The following SLC22A3 variants were observed in gnomAD, a reference collection of about 807,000 sequenced individuals.
SLC22A3 encodes the protein EMT organic cation transporter 3.
A neutral mutation model predicts 59.1 loss-of-function variants in SLC22A3; 51 were observed. That is an observed-to-expected ratio of 0.86 (90% CI 0.69 to 1.09). The LOEUF (loss-of-function observed/expected upper bound fraction) is 1.09, where lower values mean the gene tolerates loss of function less well. Among genes scored for constraint, SLC22A3 ranks in the 50% least tolerant of loss-of-function variants. The pLI is 0.00. For synonymous variants in SLC22A3, 325 were observed against 292.0 expected, an observed-to-expected ratio of 1.11 and a Z score of -1.15; for missense variants, 711 against 726.3, an observed-to-expected ratio of 0.98 and a Z score of 0.24.
chr6:160,386,140 T>G (rs1245492783), intron 1 of SLC22A3, among the ~76,000 whole-genome samples: 1 of 152,224 alleles, frequency 6.6e-6, no homozygotes, highest in Admixed American at 6.5e-5. Flanking sequence ...CTTCTGCCTG[T>G]GCACCTGTGC....
intron 10 of SLC22A3, among the ~76,000 whole-genome samples, chr6:160,450,621 T>C (rs1476952164): frequency 6.6e-6 from 1 of 152,182 alleles, no homozygotes; most frequent in Non-Finnish European, 1.5e-5. Context: ...TGGGAACTGA[T>C]AAATGTCCAT....
intron 9 of SLC22A3, among the ~76,000 whole-genome samples, chr6:160,446,147 C>T (rs1443486302): frequency 2.0e-5 from 3 of 152,176 alleles, no homozygotes; most frequent in South Asian, 4.1e-4. Flanking sequence ...GGCACGAGAC[C>T]AGGTCCAACC....
In SLC22A3 at chr6:160,364,995, A is replaced by T. The variant is rs1487404316; in HGVS notation, c.429+16147A>T. On this transcript the variant is annotated intron_variant, in intron 1 of 10. Coordinates refer to ENST00000275300, the MANE Select transcript of SLC22A3 (RefSeq NM_021977.4). ...TAATGATTTTTTTACTATGTAAAAA[A>T]ATACACTTACATAGTAAGTATATTT... Among the ~76,000 whole-genome samples the T allele has an allele frequency of 2.0e-5, 3 of 152,182 alleles. No individual in the cohort carries two copies. The East Asian group carries it at 5.8e-4, about 29-fold the overall frequency.
chr6:160,403,206 AAG>A (rs1313507433), intron 2 of SLC22A3, among the ~76,000 whole-genome samples: 6 of 151,666 alleles, frequency 4.0e-5, no homozygotes, highest in African/African-American at 1.2e-4. Context: ...TTAGAAATAA[AAG>A]AGGGGACATT....
rs997820532 is a variant in SLC22A3, at chr6:160,408,841, A to T, written c.777A>T (p.Gly259=). The T allele has an allele frequency of 4.3e-6, 7 of 1,613,564 alleles. No homozygotes were observed. The African/African-American group carries it at 8.0e-5, about 18-fold the overall frequency. ...FFTLGIIILP[G]IAYFIPNWQG... ...CCCTTGGAATCATAATTCTCCCTGG[A>T]ATTGCCTACTTCATCCCCAACTGGC... is the stretch of plus-strand genomic sequence containing the variant. The change falls in exon 4 of 11, where the codon GGA becomes GGT. Residue 259 remains glycine (G), a synonymous_variant. Transcript: ENST00000275300.
chr6:160,360,927 A>G (rs1439421686), intron 1 of SLC22A3, among the ~76,000 whole-genome samples: 1 of 152,222 alleles, frequency 6.6e-6, no homozygotes, highest in Non-Finnish European at 1.5e-5. Context: ...GGAAGAATAA[A>G]GGCCCAGAAG....
intron 1 of SLC22A3, among the ~76,000 whole-genome samples, chr6:160,390,273 G>C (rs550080321): frequency 6.6e-6 from 1 of 152,080 alleles, no homozygotes; most frequent in Non-Finnish European, 1.5e-5. Flanking sequence ...GAAGGAAGAG[G>C]GGGGAAAGCA....
chr6:160,406,656 T>G (rs1165382154), intron 2 of SLC22A3, among the ~76,000 whole-genome samples: 3 of 152,204 alleles, frequency 2.0e-5, no homozygotes, highest in African/African-American at 7.2e-5. Flanking sequence ...TGGTAGATGG[T>G]TGAGGTGAGA....
chr6:160,363,468 G>A (rs2665354), intron 1 of SLC22A3, among the ~76,000 whole-genome samples: 124,295 of 152,114 alleles, frequency 0.82, 51,046 homozygotes, highest in East Asian at 0.92. Context: ...TCCTGGGTGA[G>A]GCCTCAGGCT....
intron 5 of SLC22A3, among the ~76,000 whole-genome samples, chr6:160,413,653 T>C (rs1403423781): frequency 6.6e-6 from 1 of 152,208 alleles, no homozygotes; most frequent in Non-Finnish European, 1.5e-5. Flanking sequence ...ATTCCTGTGG[T>C]TCTTAAAATT....
intron 2 of SLC22A3, among the ~76,000 whole-genome samples, chr6:160,400,588 A>C (rs2114838657): frequency 6.6e-6 from 1 of 152,142 alleles, no homozygotes; most frequent in East Asian, 1.9e-4. Flanking sequence ...TATTTATAGC[A>C]GTTCCGTTTA....
chr6:160,367,365 C>T (rs184039914), intron 1 of SLC22A3, among the ~76,000 whole-genome samples: 6 of 152,226 alleles, frequency 3.9e-5, no homozygotes, highest in South Asian at 4.2e-4. Flanking sequence ...AATTACCTTC[C>T]GCCAAGTTCA....
chr6:160,445,170 G>A (rs1039109033), intron 9 of SLC22A3, among the ~76,000 whole-genome samples: 27 of 152,332 alleles, frequency 1.8e-4, no homozygotes, highest in Admixed American at 2.6e-4. Flanking sequence ...AGGCTCCTAT[G>A]AGAATAGGTC....
intron 1 of SLC22A3, among the ~76,000 whole-genome samples, chr6:160,353,858 G>T (rs760457473): frequency 6.6e-6 from 1 of 151,948 alleles, no homozygotes; most frequent in African/African-American, 2.4e-5. Context: ...GACTGGGAGA[G>T]AATTGCCAGT....
At chr6:160,432,462 C>A (rs1788186360) in intron 5 of SLC22A3, among the ~76,000 whole-genome samples, 1 of 149,668 alleles carries the variant, frequency 6.7e-6, no homozygotes, top group Non-Finnish European at 1.5e-5. Context: ...ACGGAGTCTC[C>A]CCGACACCCA....
At chr6:160,446,649 G>C (rs1161698237) in intron 9 of SLC22A3, among the ~76,000 whole-genome samples, 1 of 152,190 alleles carries the variant, frequency 6.6e-6, no homozygotes, top group Non-Finnish European at 1.5e-5. Flanking sequence ...TACAATTCGA[G>C]ATGAGATTTG....
chr6:160,375,863 G>A (rs1189170543), intron 1 of SLC22A3, among the ~76,000 whole-genome samples: 1 of 151,966 alleles, frequency 6.6e-6, no homozygotes, highest in Non-Finnish European at 1.5e-5. Flanking sequence ...AGGAGTCAGA[G>A]GTCTGAGTTT....
chr6:160,369,338 T>C (rs1785318308), intron 1 of SLC22A3, among the ~76,000 whole-genome samples: 1 of 152,236 alleles, frequency 6.6e-6, no homozygotes, highest in Non-Finnish European at 1.5e-5. Context: ...TTTTCCAGAC[T>C]ATTATGAAAA....
intron 5 of SLC22A3, among the ~76,000 whole-genome samples, chr6:160,411,141 T>C (rs959518591): frequency 6.6e-6 from 1 of 152,146 alleles, no homozygotes; most frequent in African/African-American, 2.4e-5. Context: ...ATCATTTCAG[T>C]ACATATTTTA....
Sources: allele counts gnomAD v4.1 joint callset (sites outside exome capture counted in the v4.1 genomes callset), GRCh38; gene constraint gnomAD v4.1.1; transcripts MANE v1.5; gene names NCBI Gene and HGNC (gene_info 2026-07-23, HGNC 2026-07-21).